The following DSCAML1 variants were observed in gnomAD, a reference collection of about 807,000 sequenced individuals.
DSCAML1 encodes DS cell adhesion molecule like 1, also known as cell adhesion molecule DSCAML1.
In DSCAML1, 38 loss-of-function variants were observed where a neutral mutation model predicts 200.5. The observed-to-expected ratio is 0.19, with a 90% confidence interval of 0.15 to 0.25. The LOEUF is 0.25. DSCAML1 is among the 10% of genes least tolerant of loss of function. The pLI is 1.00. For synonymous variants in DSCAML1, 1,215 were observed against 1,165.0 expected, an observed-to-expected ratio of 1.04 and a Z score of -0.87; for missense variants, 2,223 against 2,858.8, an observed-to-expected ratio of 0.78 and a Z score of 5.07.
chr11:117,486,240 G>T (rs920674199), intron 11 of DSCAML1, among the ~76,000 whole-genome samples: 16 of 116,056 alleles, frequency 1.4e-4, no homozygotes, highest in Non-Finnish European at 5.9e-5. Flanking sequence ...GTGGCGGATG[G>T]GAAAGTGGCG....
intron 3 of DSCAML1, among the ~76,000 whole-genome samples, chr11:117,735,516 C>T (rs1428844996): frequency 6.6e-6 from 1 of 152,096 alleles, no homozygotes; most frequent in African/African-American, 2.4e-5. Context: ...GGGCTGTCTA[C>T]AAGAGGAGGA....
At chr11:117,506,004 T>A (rs915742940) in intron 8 of DSCAML1, among the ~76,000 whole-genome samples, 9 of 152,212 alleles carry the variant, frequency 5.9e-5, no homozygotes, top group African/African-American at 2.2e-4. Context: ...GGAATTTGAT[T>A]CATGCCTGCT....
At chr11:117,612,399 C>T (rs1408854444) in intron 3 of DSCAML1, among the ~76,000 whole-genome samples, 2 of 152,304 alleles carry the variant, frequency 1.3e-5, no homozygotes, top group Non-Finnish European at 2.9e-5. Context: ...CAGCGTTATG[C>T]TATCAATCTA....
intron 3 of DSCAML1, among the ~76,000 whole-genome samples, chr11:117,675,168 G>C (rs2053185083): frequency 6.6e-6 from 1 of 152,242 alleles, no homozygotes; most frequent in South Asian, 2.1e-4. Flanking sequence ...GAAGAACTTA[G>C]AACACTGTGT....
intron 3 of DSCAML1, among the ~76,000 whole-genome samples, chr11:117,600,189 C>T (rs892113085): frequency 6.6e-6 from 1 of 152,184 alleles, no homozygotes; most frequent in East Asian, 1.9e-4. Context: ...TCCTGACCAC[C>T]CTCACATCTT....
chr11:117,630,658 C>CAAAAAAAAA (rs56741831), intron 3 of DSCAML1, among the ~76,000 whole-genome samples: 3 of 45,588 alleles, frequency 6.6e-5, no homozygotes, highest in African/African-American at 2.3e-4. Flanking sequence ...ATAAAGTGGC[C>CAAAAAAAAA]AAAAAAAAAA....
intron 3 of DSCAML1, among the ~76,000 whole-genome samples, chr11:117,624,914 T>C (rs1396684722): frequency 2.0e-5 from 3 of 152,114 alleles, no homozygotes; most frequent in African/African-American, 4.8e-5. Context: ...TGGGTCTAGA[T>C]TGGTGATGTT....
chr11:117,524,809 G>A lies in DSCAML1; in HGVS notation c.933C>T (p.Val311=), dbSNP rs994441972. Residue 311 remains valine (V), a synonymous_variant, in exon 5 of 33, where the codon GTC becomes GTT. Coordinates refer to ENST00000651296, the MANE Select transcript of DSCAML1 (RefSeq NM_020693.4). ...GSAEATGILM[V]IDPLHVTLTP... Reference sequence around the variant, plus strand: ...GAAGGGGCTTCCCCGACTCACCAATGACCATGAGGATGCCTGTGGCCTCTG... The same window carrying A: ...GAAGGGGCTTCCCCGACTCACCAATAACCATGAGGATGCCTGTGGCCTCTG... 3.2e-6 allele frequency: 5 copies of A among 1,580,408 alleles called. No homozygotes were observed. The highest frequency in any genetic ancestry group is 3.6e-5 in the Admixed American group (2 of 55,772).
chr11:117,512,793 A>ACACACC (rs1555179348), intron 8 of DSCAML1, among the ~76,000 whole-genome samples: 2 of 146,726 alleles, frequency 1.4e-5, no homozygotes, highest in Non-Finnish European at 3.0e-5. Context: ...ACACACACAC[A>ACACACC]CACACACACC....
chr11:117,714,155 T>C (rs761589383), intron 3 of DSCAML1, among the ~76,000 whole-genome samples: 3 of 152,212 alleles, frequency 2.0e-5, no homozygotes, highest in Non-Finnish European at 4.4e-5. Flanking sequence ...TTGCTTAGAC[T>C]AGTACCTGGG....
At position 117,432,501 on chromosome 11, in the gene DSCAML1, TCTC is replaced by T. The variant is rs1295262538; in HGVS notation, c.5027_5029del (p.Gly1676del). The T allele has an allele frequency of 3.1e-6, 5 of 1,613,468 alleles. No homozygotes were observed. The highest frequency in any genetic ancestry group is 4.2e-6 in the Non-Finnish European group (5 of 1,179,812). On this transcript the variant is annotated inframe_deletion and splice_region_variant, in exon 30 of 33. Transcript: ENST00000651296. ...TGTCACAGGGATGGTGGCCTTGTCA[TCTC>T]CTGGGGAAAGAAGGACAATTACTGG...
intron 31 of DSCAML1, 135 bp from the exon 32 acceptor site, chr11:117,431,168 C>T (rs1215375068): frequency 1.3e-5 from 11 of 854,932 alleles, no homozygotes; most frequent in African/African-American, 3.4e-5. Flanking sequence ...GAGAAGATCC[C>T]GTGAAGGTGG....
At chr11:117,797,268 C>T (rs911355717), upstream of DSCAML1, 45 of 1,363,822 alleles carry the variant, frequency 3.3e-5, no homozygotes, top group East Asian at 6.8e-4. Context: ...ATCCGCGGGG[C>T]TGGGCTAGGC....
intron 20 of DSCAML1, among the ~76,000 whole-genome samples, chr11:117,444,537 A>G (rs1271170275): frequency 3.9e-5 from 6 of 152,142 alleles, no homozygotes; most frequent in Non-Finnish European, 8.8e-5. Context: ...TGCAGGCAGC[A>G]CGCCCGCCCG....
intron 1 of DSCAML1, among the ~76,000 whole-genome samples, chr11:117,784,055 A>G (rs543804991): frequency 1.3e-5 from 2 of 152,192 alleles, no homozygotes; most frequent in African/African-American, 4.8e-5. Flanking sequence ...TTAATTGATG[A>G]ATTGACTGGG....
At chr11:117,793,014 T>C (rs1315357922) in intron 1 of DSCAML1, among the ~76,000 whole-genome samples, 1 of 152,134 alleles carries the variant, frequency 6.6e-6, no homozygotes, top group African/African-American at 2.4e-5. Flanking sequence ...CCAACAGCAG[T>C]CCTTCTCCCA....
chr11:117,759,691 AG>A (rs2137888759), intron 3 of DSCAML1, among the ~76,000 whole-genome samples: 1 of 152,210 alleles, frequency 6.6e-6, no homozygotes, highest in Admixed American at 6.5e-5. Context: ...ACGGGAGGAC[AG>A]AGGGCTGCTG....
intron 3 of DSCAML1, among the ~76,000 whole-genome samples, chr11:117,639,892 T>C (rs1317226923): frequency 6.8e-6 from 1 of 148,006 alleles, no homozygotes; most frequent in Non-Finnish European, 1.5e-5. Flanking sequence ...ATGACGCCAA[T>C]GCCTGGCCTT....
chr11:117,571,581 C>T (rs2050848331), intron 3 of DSCAML1, among the ~76,000 whole-genome samples: 1 of 152,182 alleles, frequency 6.6e-6, no homozygotes, highest in South Asian at 2.1e-4. Context: ...CTGTGCTAGC[C>T]TGCTGGGACC....
Sources: gnomAD v4.1 joint callset for allele counts (sites outside exome capture counted in the v4.1 genomes callset) on GRCh38, gnomAD v4.1.1 for gene constraint, MANE v1.5 for transcripts, NCBI Gene and HGNC (gene_info 2026-07-23, HGNC 2026-07-21) for gene names.